PCED1B: variants seen among roughly 807,000 people sequenced by gnomAD.
The protein encoded by PCED1B is PC-esterase domain-containing protein 1B.
For missense variants in PCED1B, 573 were observed against 573.9 expected (o/e 1.00, Z 0.02); for synonymous variants, 251 against 246.1 (o/e 1.02, Z -0.19).
intron 2 of PCED1B, among the ~76,000 whole-genome samples, chr12:47,111,515 CCA>C (rs766759558): frequency 6.6e-6 from 1 of 152,086 alleles, no homozygotes. Context: ...GCCACTGTCA[CCA>C]CCATCCACCC....
At chr12:47,080,828 C>T (rs775609822) in intron 1 of PCED1B, among the ~76,000 whole-genome samples, 8 of 152,118 alleles carry the variant, frequency 5.3e-5, no homozygotes, top group Non-Finnish European at 1.0e-4. Context: ...TCTCCTTTCT[C>T]TTTCGTTCTC....
chr12:47,203,431 T>C (rs1942826665), intron 2 of PCED1B, among the ~76,000 whole-genome samples: 1 of 152,146 alleles, frequency 6.6e-6, no homozygotes, highest in Non-Finnish European at 1.5e-5. Context: ...CAGCATCCAC[T>C]AGCAATTCTT....
intron 3 of PCED1B, among the ~76,000 whole-genome samples, chr12:47,233,363 G>A (rs1401849198): frequency 2.0e-5 from 3 of 151,696 alleles, no homozygotes; most frequent in East Asian, 3.9e-4. Context: ...GAAAGGTCTC[G>A]ATCTGACCTC....
chr12:47,153,936 C>G (rs1941098823), intron 2 of PCED1B, among the ~76,000 whole-genome samples: 1 of 152,200 alleles, frequency 6.6e-6, no homozygotes, highest in South Asian at 2.1e-4. Context: ...ATCTCTGCCC[C>G]TTTCCACCGA....
intron 2 of PCED1B, among the ~76,000 whole-genome samples, chr12:47,120,582 A>G (rs1939634617): frequency 6.6e-6 from 1 of 152,066 alleles, no homozygotes; most frequent in African/African-American, 2.4e-5. Flanking sequence ...TGGGAGGATC[A>G]CCTGGGGTCA....
intron 3 of PCED1B, among the ~76,000 whole-genome samples, chr12:47,230,090 T>C (rs1411929910): frequency 2.0e-5 from 3 of 147,124 alleles, no homozygotes; most frequent in East Asian, 4.0e-4. Context: ...CATTTTCTTT[T>C]TTTTTTTTTT....
intron 2 of PCED1B, among the ~76,000 whole-genome samples, chr12:47,135,182 C>T (rs1223686616): frequency 1.3e-5 from 2 of 152,202 alleles, no homozygotes; most frequent in Non-Finnish European, 2.9e-5. Flanking sequence ...GAACTTCCAT[C>T]ACTATATTCC....
intron 3 of PCED1B, among the ~76,000 whole-genome samples, chr12:47,220,642 T>C (rs1161583863): frequency 6.6e-6 from 1 of 152,114 alleles, no homozygotes; most frequent in Non-Finnish European, 1.5e-5. Context: ...CCCTGAGGGG[T>C]ACAAGGATGG....
rs988547226 is a variant in PCED1B at position 47,235,550 on chromosome 12, A to C, written c.487A>C (p.Asn163His). The change falls in exon 4 of 4, where the codon AAC (asparagine) becomes CAC (histidine). Residue 163 changes from asparagine to histidine, a missense_variant. Asn to His is a moderately conservative substitution (Grantham distance 68, BLOSUM62 1). Transcript: ENST00000546455. ...GCCCGAGTCTTGCCTCCTGGTGTGG[A>C]ACACGGCCATGCCTGTGGGCGAGGA... The part of the protein sequence containing the change: ...VLPESCLLVW[N>H]TAMPVGEEVT... 4 of 1,610,612 alleles carry C rather than the reference A, an allele frequency of 2.5e-6. No homozygotes were observed. Among genetic ancestry groups the C allele is most frequent in the Non-Finnish European group, 2.5e-6 (3 of 1,177,856 alleles).
intron 3 of PCED1B, among the ~76,000 whole-genome samples, chr12:47,219,763 A>C (rs1399207178): frequency 1.3e-5 from 2 of 152,262 alleles, no homozygotes; most frequent in African/African-American, 2.4e-5. Flanking sequence ...AAGGAAAGCT[A>C]CATGCAAATA....
intron 2 of PCED1B, among the ~76,000 whole-genome samples, chr12:47,192,626 G>A (rs1200623369): frequency 1.3e-5 from 2 of 152,140 alleles, no homozygotes; most frequent in Non-Finnish European, 2.9e-5. Flanking sequence ...CTGGATCCTG[G>A]TCCAGTCTCT....
intron 2 of PCED1B, among the ~76,000 whole-genome samples, chr12:47,163,196 T>C (rs1241643903): frequency 6.6e-6 from 1 of 152,252 alleles, no homozygotes. Flanking sequence ...AAATTGTTTT[T>C]AGAATTTTCT....
intron 2 of PCED1B, among the ~76,000 whole-genome samples, chr12:47,132,365 G>C (rs891189654): frequency 1.3e-5 from 2 of 151,968 alleles, no homozygotes; most frequent in Non-Finnish European, 2.9e-5. Flanking sequence ...CTTTGATCTA[G>C]TATATCCAAA....
intron 2 of PCED1B, among the ~76,000 whole-genome samples, chr12:47,179,482 G>A (rs548840262): frequency 2.0e-4 from 30 of 152,262 alleles, no homozygotes; most frequent in Non-Finnish European, 3.4e-4. Flanking sequence ...CCATTCTGGC[G>A]AAATAATATT....
chr12:47,085,962 T>C (rs1937960085), intron 1 of PCED1B, among the ~76,000 whole-genome samples: 1 of 152,188 alleles, frequency 6.6e-6, no homozygotes, highest in Non-Finnish European at 1.5e-5. Context: ...GCATGATAAT[T>C]GCTGTCCTGC....
chr12:47,116,628 C>G (rs1372144604), intron 2 of PCED1B, among the ~76,000 whole-genome samples: 1 of 152,010 alleles, frequency 6.6e-6, no homozygotes, highest in African/African-American at 2.4e-5. Flanking sequence ...ATCATTTGAG[C>G]CAAATTATTT....
chr12:47,197,239 A>T (rs1183908125), intron 2 of PCED1B, among the ~76,000 whole-genome samples: 9 of 17,004 alleles, frequency 5.3e-4, no homozygotes, highest in Non-Finnish European at 1.0e-3. Flanking sequence ...ACTCTGTCTC[A>T]AAAAAAAAAA....
chr12:47,124,152 C>A (rs943578226), intron 2 of PCED1B, among the ~76,000 whole-genome samples: 3 of 152,026 alleles, frequency 2.0e-5, no homozygotes, highest in African/African-American at 7.2e-5. Context: ...CCAAAAAGTT[C>A]TCTCATGTCC....
At chr12:47,131,815 T>C (rs748337762) in intron 2 of PCED1B, among the ~76,000 whole-genome samples, 2 of 151,934 alleles carry the variant, frequency 1.3e-5, no homozygotes, top group African/African-American at 4.8e-5. Context: ...ATTACAGGCA[T>C]GCGCCACCAC....
Sources: gnomAD v4.1 joint callset for allele counts (sites outside exome capture counted in the v4.1 genomes callset) on GRCh38, gnomAD v4.1.1 for gene constraint, MANE v1.5 for transcripts, NCBI Gene and HGNC (gene_info 2026-07-23, HGNC 2026-07-21) for gene names.